HPSE2: variants seen among roughly 807,000 people sequenced by gnomAD.
The protein encoded by HPSE2 is inactive heparanase-2.
A neutral mutation model predicts 60.5 loss-of-function variants in HPSE2; 38 were observed. That is an observed-to-expected ratio of 0.63 (90% confidence interval 0.48 to 0.82). The LOEUF is 0.82. HPSE2 is among the 40% of genes least tolerant of loss of function. The pLI, the probability that HPSE2 is intolerant of heterozygous loss-of-function variation, is 0.00. For missense variants in HPSE2, 713 were observed against 740.4 expected (o/e 0.96, Z 0.43); for synonymous variants, 295 against 293.2 (o/e 1.01, Z -0.06).
chr10:99,003,571 T>C (rs534697329), intron 3 of HPSE2, among the ~76,000 whole-genome samples: 43 of 152,268 alleles, frequency 2.8e-4, no homozygotes, highest in Non-Finnish European at 5.6e-4. Context: ...TGGTGTTAAT[T>C]TGCATTTCTC....
chr10:98,793,555 A>G (rs1025055124), intron 3 of HPSE2, among the ~76,000 whole-genome samples: 3 of 152,266 alleles, frequency 2.0e-5, no homozygotes, highest in African/African-American at 7.2e-5. Context: ...TACATTCCAG[A>G]TAGGTAGGAA....
At chr10:98,704,188 G>C (rs1237455910) in intron 5 of HPSE2, among the ~76,000 whole-genome samples, 7 of 151,890 alleles carry the variant, frequency 4.6e-5, no homozygotes, top group African/African-American at 1.7e-4. Context: ...AAATACCTAG[G>C]GATACAGCTA....
rs1953442691 is a variant in HPSE2, at chr10:98,894,973, A to G, written c.611-150917T>C. ...AAAAGATAGTGAAATAATACCTGAA[A>G]GTGATGAGAAAACAAATAACCATCA... On this transcript the variant is annotated intron_variant, in intron 3 of 11. Coordinates refer to ENST00000370552, the MANE Select transcript of HPSE2 (RefSeq NM_021828.5). Among the ~76,000 whole-genome samples the G allele has an allele frequency of 2.6e-5, 4 of 152,280 alleles. No individual in the cohort carries two copies. The South Asian group carries it at 8.3e-4, about 32-fold the overall frequency.
chr10:99,205,355 G>A (rs1355291259), intron 2 of HPSE2, among the ~76,000 whole-genome samples: 1 of 152,204 alleles, frequency 6.6e-6, no homozygotes, highest in African/African-American at 2.4e-5. Context: ...TTGGGAGGCT[G>A]AGGCGAGTGG....
At position 99,113,319 on chromosome 10, in the gene HPSE2, G is replaced by A. The variant is rs147641976; in HGVS notation, c.610+30919C>T. Among the ~76,000 whole-genome samples, 456 of 152,218 alleles carry A rather than the reference G, an allele frequency of 3.0e-3. 4 individuals are homozygous for A. The highest frequency in any genetic ancestry group is 6.5e-3 in the African/African-American group (269 of 41,544). ...TGGTAAATACAGAATCCAAACCTAC[G>A]TCTGTTTAACCCCAAAGTTCCTGCT... On this transcript the variant is annotated intron_variant, in intron 3 of 11. Transcript: ENST00000370552.
chr10:99,190,098 G>A (rs1406793877), intron 2 of HPSE2, among the ~76,000 whole-genome samples: 4 of 152,210 alleles, frequency 2.6e-5, no homozygotes, highest in Non-Finnish European at 5.9e-5. Context: ...ACCATGTAGT[G>A]ACTTATCTAA....
At chr10:98,974,698 A>G (rs990455112) in intron 3 of HPSE2, among the ~76,000 whole-genome samples, 7 of 152,208 alleles carry the variant, frequency 4.6e-5, no homozygotes, top group African/African-American at 1.7e-4. Context: ...TTGTAATTCA[A>G]CTTGAGGCAC....
intron 9 of HPSE2, among the ~76,000 whole-genome samples, chr10:98,545,115 A>G (rs189745687): frequency 2.6e-5 from 4 of 152,344 alleles, no homozygotes; most frequent in Admixed American, 2.6e-4. Context: ...AAGAAGTTGA[A>G]TCTCTGAATA....
chr10:98,715,481 T>A (rs1414968), intron 5 of HPSE2, among the ~76,000 whole-genome samples: 27,993 of 151,828 alleles, frequency 0.18, 2,993 homozygotes, highest in East Asian at 0.38. Flanking sequence ...CTTGGTTTTT[T>A]TCTTTCATGC....
intron 5 of HPSE2, among the ~76,000 whole-genome samples, chr10:98,695,391 G>C (rs1948185388): frequency 6.6e-6 from 1 of 152,154 alleles, no homozygotes. Context: ...CAAGAAAGTA[G>C]AAAATGACAC....
At chr10:98,729,092 T>G (rs996205850) in intron 4 of HPSE2, among the ~76,000 whole-genome samples, 1 of 151,802 alleles carries the variant, frequency 6.6e-6, no homozygotes, top group African/African-American at 2.4e-5. Context: ...TAAAAAGGCA[T>G]GAAAAGTGAG....
the HPSE2 span, among the ~76,000 whole-genome samples, chr10:99,287,715 C>G: frequency 5.9e-5 from 9 of 152,140 alleles, no homozygotes; most frequent in African/African-American, 2.2e-4. Flanking sequence ...CACTTTAAAA[C>G]AAGGGAGTCT....
At chr10:98,733,987 T>C (rs1041900767) in intron 4 of HPSE2, among the ~76,000 whole-genome samples, 5 of 152,166 alleles carry the variant, frequency 3.3e-5, no homozygotes, top group African/African-American at 9.7e-5. Context: ...AAAAACTCTG[T>C]GCCTTTTAGC....
At chr10:99,275,838 G>A in the HPSE2 span, among the ~76,000 whole-genome samples, 2 of 152,128 alleles carry the variant, frequency 1.3e-5, no homozygotes, top group African/African-American at 4.8e-5. Context: ...GAACATCTAG[G>A]GCATGGGACT....
the HPSE2 span, among the ~76,000 whole-genome samples, chr10:99,256,493 T>C: frequency 2.0e-5 from 3 of 148,906 alleles, no homozygotes; most frequent in African/African-American, 2.5e-5. Flanking sequence ...TCATTATAAA[T>C]TACCCAGTCT....
In HPSE2 at chr10:98,459,663, G is replaced by A. The variant is rs373432908; in HGVS notation, c.1690C>T (p.Arg564Trp). 5.6e-5 allele frequency: 90 copies of A among 1,614,048 alleles called. No homozygotes were observed. Among genetic ancestry groups the A allele is most frequent in the East Asian group, 5.6e-4 (25 of 44,894 alleles). The change falls in exon 12 of 12, where the codon CGG (arginine) becomes TGG (tryptophan). Residue 564 changes from arginine (R) to tryptophan (W), a missense_variant. Arg to Trp is a moderately radical substitution (Grantham distance 101). Transcript: ENST00000370552. ...GGGATGACCAATGTCCGGCCGGCCCGAAGGGGGCGGGGCTTCAATTCTGGG... is the reference window on the plus strand; with the variant it reads ...GGGATGACCAATGTCCGGCCGGCCCAAAGGGGGCGGGGCTTCAATTCTGGG... ...TLPELKPRPLRAGRTLVIPPV... is the reference protein window; with the variant it reads ...TLPELKPRPLWAGRTLVIPPV...
chr10:99,102,528 T>C (rs1393323965), intron 3 of HPSE2, among the ~76,000 whole-genome samples: 1 of 152,122 alleles, frequency 6.6e-6, no homozygotes, highest in South Asian at 2.1e-4. Context: ...ACCAGATGGA[T>C]TCACAGCCGA....
At chr10:98,766,464 T>C (rs1021998056) in intron 3 of HPSE2, among the ~76,000 whole-genome samples, 1 of 151,988 alleles carries the variant, frequency 6.6e-6, no homozygotes, top group Non-Finnish European at 1.5e-5. Context: ...TGTAACAAAA[T>C]GAAATAAAGA....
At chr10:99,058,269 G>A (rs992129510) in intron 3 of HPSE2, among the ~76,000 whole-genome samples, 1 of 152,166 alleles carries the variant, frequency 6.6e-6, no homozygotes, top group African/African-American at 2.4e-5. Flanking sequence ...TGAGAAAAGG[G>A]GGGAATTGTA....
Sources: allele counts gnomAD v4.1 joint callset (sites outside exome capture counted in the v4.1 genomes callset), GRCh38; gene constraint gnomAD v4.1.1; transcripts MANE v1.5; gene names NCBI Gene and HGNC (gene_info 2026-07-23, HGNC 2026-07-21).